TEX11: variants seen among roughly 807,000 people sequenced by gnomAD.
The protein encoded by TEX11 is testis-expressed protein 11.
In TEX11, 7 loss-of-function variants were observed where a neutral mutation model predicts 84.4. The observed-to-expected ratio is 0.08, with a 90% CI of 0.05 to 0.16. TEX11 has a LOEUF of 0.16. Ranked by LOEUF, TEX11 falls within the 10% of genes least tolerant of loss-of-function variation. TEX11 has a pLI of 1.00. For missense variants in TEX11, 551 were observed against 660.5 expected (o/e 0.83, Z 1.82); for synonymous variants, 264 against 222.8 (o/e 1.18, Z -1.64).
At chrX:70,526,453 C>T (rs2087823334), downstream of TEX11, among the ~76,000 whole-genome samples, 1 of 110,015 alleles carries the variant, frequency 9.1e-6, no homozygotes, top group African/African-American at 3.3e-5. Flanking sequence ...CCTGTAGTCT[C>T]AGCTACTTGG....
At chrX:70,575,384 A>C (rs2088659802) in intron 25 of TEX11, among the ~76,000 whole-genome samples, 2 of 112,114 alleles carry the variant, frequency 1.8e-5, no homozygotes, top group Non-Finnish European at 3.8e-5. Context: ...ATAGGATAAG[A>C]GGTGGAACCT....
At chrX:70,694,764 A>G (rs2090266055) in intron 13 of TEX11, among the ~76,000 whole-genome samples, 1 of 112,250 alleles carries the variant, frequency 8.9e-6, no homozygotes, top group Non-Finnish European at 1.9e-5. Context: ...TTAGTATGAT[A>G]GCGTGGCCCT....
At chrX:70,534,791 A>G (rs1409135152) in intron 28 of TEX11, among the ~76,000 whole-genome samples, 1 of 112,170 alleles carries the variant, frequency 8.9e-6, no homozygotes, top group Non-Finnish European at 1.9e-5. Flanking sequence ...ATAAAATACC[A>G]TAGTTTATCT....
intron 13 of TEX11, among the ~76,000 whole-genome samples, chrX:70,696,818 A>G (rs1187790425): frequency 1.8e-5 from 2 of 111,433 alleles, no homozygotes; most frequent in African/African-American, 6.5e-5. Flanking sequence ...CAAAATACTC[A>G]CTTATTATTT....
chrX:70,732,605 G>T (rs1458520557), intron 11 of TEX11, among the ~76,000 whole-genome samples: 2 of 111,182 alleles, frequency 1.8e-5, no homozygotes, highest in Non-Finnish European at 3.8e-5. Context: ...AGACATGAAG[G>T]ACCTCTTCAA....
chrX:70,888,691 A>C (rs1026724719), intron 2 of TEX11, among the ~76,000 whole-genome samples: 1 of 112,057 alleles, frequency 8.9e-6, no homozygotes, highest in Non-Finnish European at 1.9e-5. Context: ...GAACTTCCCA[A>C]ACTTAGAGAA....
intron 9 of TEX11, among the ~76,000 whole-genome samples, chrX:70,798,609 T>C (rs187915468): frequency 1.3e-3 from 144 of 112,232 alleles, no homozygotes; most frequent in Non-Finnish European, 1.9e-3. Flanking sequence ...TAATAGTCAT[T>C]AAAACAGCAT....
chrX:70,698,596 T>C (rs1303043061), intron 13 of TEX11, among the ~76,000 whole-genome samples: 8 of 109,087 alleles, frequency 7.3e-5, no homozygotes, highest in African/African-American at 2.7e-4. Flanking sequence ...GAAAAATTTG[T>C]GATGATCCTA....
At chrX:70,815,360 T>C (rs1021658762) in intron 8 of TEX11, among the ~76,000 whole-genome samples, 1 of 111,727 alleles carries the variant, frequency 9.0e-6, no homozygotes, top group Admixed American at 9.6e-5. Context: ...TTCCAGTTAA[T>C]ACATTTATTA....
chrX:70,836,031 G>A (rs1004420135), intron 7 of TEX11, among the ~76,000 whole-genome samples: 2 of 106,523 alleles, frequency 1.9e-5, no homozygotes, highest in African/African-American at 3.4e-5. Flanking sequence ...CAGGAGAATC[G>A]CTTGAACCCG....
chrX:70,621,578 A>AT (rs55650805), intron 20 of TEX11, among the ~76,000 whole-genome samples: 3,716 of 50,301 alleles, frequency 0.074, 764 homozygotes, highest in East Asian at 0.13. Context: ...ATATATATAT[A>AT]AATAAAAATA....
intron 13 of TEX11, among the ~76,000 whole-genome samples, chrX:70,694,306 G>A (rs1323014717): frequency 8.9e-6 from 1 of 111,739 alleles, no homozygotes; most frequent in East Asian, 2.8e-4. Context: ...GCCTCCCAAA[G>A]TGCTGCTATT....
chrX:70,714,595 T>G (rs891513249), intron 13 of TEX11, among the ~76,000 whole-genome samples: 5 of 111,769 alleles, frequency 4.5e-5, no homozygotes, highest in African/African-American at 1.3e-4. Flanking sequence ...GTCTGTATTA[T>G]CAGAGACTAG....
Position 70,888,215 on chromosome X carries a change from A to G in TEX11, c.38-8106T>C, listed in dbSNP as rs1374542916. Among the ~76,000 whole-genome samples the G allele has an allele frequency of 2.7e-5, 3 of 112,624 alleles. No homozygotes were observed. The East Asian group carries it at 8.3e-4, about 31-fold the overall frequency. On this transcript the variant is annotated intron_variant, in intron 2 of 29. Transcript: ENST00000374333. Reference sequence around the variant, plus strand: ...CCATCCAGGAAAACATGACCTCACCAAATGAACTAAATAAGGCACTAGGGA... The same window carrying G: ...CCATCCAGGAAAACATGACCTCACCGAATGAACTAAATAAGGCACTAGGGA...
intron 11 of TEX11, among the ~76,000 whole-genome samples, chrX:70,734,648 A>G (rs1238688793): frequency 5.3e-5 from 6 of 112,273 alleles, no homozygotes; most frequent in Admixed American, 9.5e-5. Context: ...CGCAATTGCT[A>G]TTATGAACAA....
intron 5 of TEX11, among the ~76,000 whole-genome samples, chrX:70,860,158 T>C (rs759855397): frequency 8.9e-6 from 1 of 111,863 alleles, no homozygotes; most frequent in Admixed American, 9.5e-5. Context: ...TGTGAAGGCA[T>C]TGGAGTGGCT....
chrX:70,633,045 A>C (rs2089528920), intron 17 of TEX11, among the ~76,000 whole-genome samples: 1 of 112,247 alleles, frequency 8.9e-6, no homozygotes, highest in South Asian at 3.7e-4. Context: ...ACTGAAAAGG[A>C]GAATATACTT....
intron 2 of TEX11, among the ~76,000 whole-genome samples, chrX:70,906,785 CAACA>C (rs56228189): frequency 1.1e-4 from 12 of 107,888 alleles, no homozygotes; most frequent in Admixed American, 4.0e-4. Flanking sequence ...AAAACTGTCT[CAACA>C]AACAAACAAA....
intron 17 of TEX11, among the ~76,000 whole-genome samples, chrX:70,643,932 A>C (rs1367821886): frequency 5.7e-5 from 6 of 105,893 alleles, no homozygotes; most frequent in Admixed American, 1.0e-4. Flanking sequence ...GGATCTAATT[A>C]AACTAAAGAG....
Sources: gnomAD v4.1 joint callset for allele counts (sites outside exome capture counted in the v4.1 genomes callset) on GRCh38, gnomAD v4.1.1 for gene constraint, MANE v1.5 for transcripts, NCBI Gene and HGNC (gene_info 2026-07-23, HGNC 2026-07-21) for gene names.